The following FAM124A variants were observed in gnomAD, a reference collection of about 807,000 sequenced individuals.
FAM124A encodes the protein family with sequence similarity 124 member A.
A neutral mutation model predicts 24.5 loss-of-function variants in FAM124A; 23 were observed. The observed-to-expected ratio is 0.94, with a 90% CI of 0.68 to 1.33. The LOEUF is 1.33. Among genes scored for constraint, FAM124A ranks in the 40% most tolerant of loss-of-function variants. FAM124A has a pLI of 0.00. For missense variants in FAM124A, 623 were observed against 722.8 expected (o/e 0.86, Z 1.58); for synonymous variants, 287 against 314.7 (o/e 0.91, Z 0.93).
chr13:51,278,653 C>T (rs1033840539), intron 3 of FAM124A, among the ~76,000 whole-genome samples: 17 of 152,196 alleles, frequency 1.1e-4, no homozygotes, highest in African/African-American at 3.4e-4. Flanking sequence ...CCACTGTGCA[C>T]GTGGGCACCC....
At chr13:51,229,854 A>C (rs548003421) in intron 1 of FAM124A, among the ~76,000 whole-genome samples, 119 of 152,316 alleles carry the variant, frequency 7.8e-4, no homozygotes, top group African/African-American at 2.7e-3. Context: ...ACTGGGTTAC[A>C]AATCCTGGGC....
chr13:51,281,041 T>A lies in FAM124A; in HGVS notation c.1426T>A (p.Ser476Thr). The A allele has an allele frequency of 6.2e-7, 1 of 1,614,132 alleles. No individual in the cohort carries two copies. The highest frequency in any genetic ancestry group is 2.2e-5 in the East Asian group (1 of 44,882). The change falls in exon 4 of 4, where the codon TCC becomes ACC. Residue 476 changes from serine (S) to threonine (T), a missense_variant. By Grantham distance (58) the Ser-to-Thr change is moderately conservative (BLOSUM62 1). Transcript: ENST00000322475. ...TGTCAGCAGGGTGACCACAGAGGCC[T>A]CCTGGGCTTCCCTCCCTTTCTTCAC... ...PTVSRVTTEA[S>T]WASLPFFTKR...
At chr13:51,235,692 G>T (rs188635118) in intron 2 of FAM124A, among the ~76,000 whole-genome samples, 61 of 152,306 alleles carry the variant, frequency 4.0e-4, no homozygotes, top group Non-Finnish European at 1.0e-4. Flanking sequence ...AGTTAGTCAT[G>T]AGCTCTTTAT....
intron 3 of FAM124A, among the ~76,000 whole-genome samples, chr13:51,253,834 TGAAAGAGTA>T (rs1296478028): frequency 5.9e-5 from 9 of 152,140 alleles, no homozygotes; most frequent in African/African-American, 9.7e-5. Flanking sequence ...CAACAGAGTG[TGAAAGAGTA>T]GAAAAAAGAT....
rs1187235342 is a variant in FAM124A, at chr13:51,222,565, G to T, written c.64G>T (p.Gly22Ter). Residue 22 changes from glycine to a stop codon, truncating the protein, a stop_gained, in exon 1 of 4, where the codon GGA (glycine) becomes TGA (stop). Transcript: ENST00000322475. LOFTEE classifies it high-confidence loss of function. ...DDCVDSGAET[G>*]GSDYSHLSST... ...CTGCGTGGACTCGGGCGCCGAGACC[G>T]GAGGGTGAGCCGCGCCGGGCCGGGC... is the stretch of plus-strand genomic sequence containing the variant. The T allele has an allele frequency of 8.2e-7, 1 of 1,225,970 alleles. No homozygotes were observed. The highest frequency in any genetic ancestry group is 3.3e-5 in the East Asian group (1 of 30,712). The allele number at this position is 1,225,970 out of a possible 1,614,324, so 75.9% of individuals were successfully genotyped here.
At chr13:51,273,214 T>A (rs544874096) in intron 3 of FAM124A, among the ~76,000 whole-genome samples, 1 of 152,268 alleles carries the variant, frequency 6.6e-6, no homozygotes, top group African/African-American at 2.4e-5. Context: ...AGGGGACATT[T>A]GGCAATGTCC....
In FAM124A at chr13:51,252,051, C is replaced by T; in HGVS notation, c.684C>T (p.Asp228=). The T allele has an allele frequency of 6.2e-7, 1 of 1,614,126 alleles. No homozygotes were observed. The highest frequency in any genetic ancestry group is 8.5e-7 in the Non-Finnish European group (1 of 1,180,024). ...IQFSLKRLPC[D]QCPVPTDSSV... is the part of the protein sequence containing the mutation. The stretch of plus-strand genomic sequence containing the variant: ...TCTCCCTGAAAAGACTGCCCTGTGA[C>T]CAGTGCCCGGTGCCCACCGACTCCT... The change falls in exon 3 of 4, where the codon GAC becomes GAT. Residue 228 remains aspartate, a synonymous_variant. Coordinates refer to ENST00000322475, the MANE Select transcript of FAM124A (RefSeq NM_001242312.2).
rs1593598150 is a variant in FAM124A at position 51,251,532 on chromosome 13, A to G, written c.165A>G (p.Pro55=). 6.6e-7 allele frequency: 1 copy of G among 1,519,522 alleles called. No homozygotes were observed. The highest frequency in any genetic ancestry group is 8.8e-7 in the Non-Finnish European group (1 of 1,132,994). 94.1% of individuals were successfully genotyped at this position (1,519,522 alleles called of 1,614,324 possible). The change falls in exon 3 of 4, where the codon CCA becomes CCG. Residue 55 remains proline, a synonymous_variant. Transcript: ENST00000322475. The surrounding 1 kb of genome is among the most constrained non-coding windows in gnomAD (Gnocchi z 5.3). Reference sequence around the variant, plus strand: ...TCAGCATCCACATAATCGCAGACCCAGGGGAGTCCCAGCCCCTGCAGGAGG... The same window carrying G: ...TCAGCATCCACATAATCGCAGACCCGGGGGAGTCCCAGCCCCTGCAGGAGG... ...FLVSIHIIAD[P]GESQPLQEAI...
chr13:51,252,434 A>G, intron 3 of FAM124A: 3 of 595,478 alleles, frequency 5.0e-6, no homozygotes, highest in Non-Finnish European at 8.6e-6. Flanking sequence ...ACATGTTCCC[A>G]ATTCTTCCAG....
chr13:51,234,963 G>C (rs551333602), intron 2 of FAM124A, among the ~76,000 whole-genome samples: 10 of 152,208 alleles, frequency 6.6e-5, no homozygotes, highest in Middle Eastern at 3.4e-3. Context: ...GCTGGGCATC[G>C]TCCTCTTTTC....
intron 3 of FAM124A, among the ~76,000 whole-genome samples, chr13:51,257,060 T>C (rs1954682465): frequency 6.6e-6 from 1 of 152,196 alleles, no homozygotes; most frequent in Non-Finnish European, 1.5e-5. Context: ...TGCAGGAATA[T>C]GATAGATTTT....
rs562545177 is a variant in FAM124A at position 51,250,010 on chromosome 13, C to G, written c.101-1458C>G. Among the ~76,000 whole-genome samples, 5 of 152,284 alleles carry G rather than the reference C, an allele frequency of 3.3e-5. No homozygotes were observed. The East Asian group carries it at 9.6e-4, about 29-fold the overall frequency. Reference sequence around the variant, plus strand: ...ACAAACTGATTGCTTAACAGATGTGCAAATGAATGCATGAATAAGAGAGAA... The same window carrying G: ...ACAAACTGATTGCTTAACAGATGTGGAAATGAATGCATGAATAAGAGAGAA... On this transcript the variant is annotated intron_variant, in intron 2 of 3. Transcript: ENST00000322475.
rs1460311573 is a variant in FAM124A, at chr13:51,272,578, C to CACAT, written c.835-7869_835-7868insTACA. Among the ~76,000 whole-genome samples the CACAT allele has an allele frequency of 1.3e-5, 2 of 151,790 alleles. No individual in the cohort carries two copies. The highest frequency in any genetic ancestry group is 2.9e-5 in the Non-Finnish European group (2 of 67,962). On this transcript the variant is annotated intron_variant, in intron 3 of 3. Transcript: ENST00000322475. This position sits in a 1 kb window ranked among gnomAD's most constrained non-coding sequence, Gnocchi z 4.2. Reference sequence around the variant, plus strand: ...AAATAAAGCCTTATACACACACACACACACACACACACACACCAGTTGAAC... The same window carrying CACAT: ...AAATAAAGCCTTATACACACACACACACATACACACACACACACACCAGTTGAAC...
chr13:51,226,609 G>C (rs777876628), intron 1 of FAM124A, among the ~76,000 whole-genome samples: 1 of 152,158 alleles, frequency 6.6e-6, no homozygotes, highest in Non-Finnish European at 1.5e-5. Context: ...GGGTCAGGCA[G>C]AGAGAGAGAG....
intron 2 of FAM124A, among the ~76,000 whole-genome samples, chr13:51,250,740 C>T (rs1254622268): frequency 6.6e-6 from 1 of 152,210 alleles, no homozygotes; most frequent in African/African-American, 2.4e-5. Flanking sequence ...GCTCCAACAG[C>T]AAGAACACTG....
intron 2 of FAM124A, among the ~76,000 whole-genome samples, chr13:51,246,779 G>C (rs182910242): frequency 6.6e-6 from 1 of 152,286 alleles, no homozygotes; most frequent in East Asian, 1.9e-4. Context: ...ACTTCAGCAT[G>C]GTCTTTGTTA....
At chr13:51,253,512 G>A (rs1954647180) in intron 3 of FAM124A, 1 of 152,188 alleles carries the variant, frequency 6.6e-6, no homozygotes, top group Non-Finnish European at 1.5e-5. Flanking sequence ...TTGTCTCTGT[G>A]TTTGAAGAAT....
At chr13:51,236,345 C>T (rs1001080771) in intron 2 of FAM124A, among the ~76,000 whole-genome samples, 1 of 152,262 alleles carries the variant, frequency 6.6e-6, no homozygotes, top group African/African-American at 2.4e-5. Context: ...TGTCTTTCCT[C>T]ACAGCTGTCT....
chr13:51,223,397 C>T (rs1954282623), intron 1 of FAM124A, among the ~76,000 whole-genome samples: 1 of 152,166 alleles, frequency 6.6e-6, no homozygotes, highest in African/African-American at 2.4e-5. Flanking sequence ...GTCAGCACCA[C>T]ATCCAGGCCG....
Sources: allele counts gnomAD v4.1 joint callset (sites outside exome capture counted in the v4.1 genomes callset), GRCh38; gene constraint gnomAD v4.1.1; non-coding constraint Gnocchi (gnomAD v3.1); transcripts MANE v1.5; gene names NCBI Gene and HGNC (gene_info 2026-07-23, HGNC 2026-07-21).